MINDY2: variants seen among roughly 807,000 people sequenced by gnomAD.
MINDY2 encodes ubiquitin carboxyl-terminal hydrolase MINDY-2.
A neutral mutation model predicts 68.2 loss-of-function variants in MINDY2; 52 were observed. The ratio of observed to expected loss-of-function variants is 0.76; its 90% CI spans 0.61 to 0.96. The LOEUF (loss-of-function observed/expected upper bound fraction) is 0.96, where lower values mean the gene tolerates loss of function less well. Ranked by LOEUF, MINDY2 falls within the 40% of genes least tolerant of loss-of-function variation. MINDY2 has a pLI of 0.00. For missense variants in MINDY2, 881 were observed against 773.4 expected (o/e 1.14, Z -1.65); for synonymous variants, 372 against 303.0 (o/e 1.23, Z -2.36).
chr15:58,838,312 C>T (rs1408487652), intron 6 of MINDY2, among the ~76,000 whole-genome samples: 3 of 151,432 alleles, frequency 2.0e-5, no homozygotes, highest in Non-Finnish European at 2.9e-5. Context: ...ACAGGAGAAT[C>T]GCTTGAATCC....
intron 5 of MINDY2, 27 bp from the exon 6 acceptor site, chr15:58,831,747 A>ATAG (rs777282592): frequency 1.4e-4 from 215 of 1,581,646 alleles, no homozygotes; most frequent in Non-Finnish European, 1.8e-4. Context: ...TTATTCTTCT[A>ATAG]TCTAATGTTA....
chr15:58,819,495 G>GA (rs1220688344), intron 4 of MINDY2, among the ~76,000 whole-genome samples: 4 of 152,054 alleles, frequency 2.6e-5, no homozygotes, highest in Middle Eastern at 3.4e-3. Flanking sequence ...GACAGAGTAA[G>GA]AAAAAAATCT....
At chr15:58,853,375 T>A (rs566823101) in intron 8 of MINDY2, among the ~76,000 whole-genome samples, 28 of 152,240 alleles carry the variant, frequency 1.8e-4, no homozygotes, top group Non-Finnish European at 4.0e-4. Context: ...AGTATAAAAT[T>A]TCTATTTCTA....
intron 1 of MINDY2, among the ~76,000 whole-genome samples, chr15:58,782,283 G>A (rs1393654087): frequency 1.3e-5 from 2 of 151,910 alleles, no homozygotes; most frequent in African/African-American, 4.8e-5. Context: ...ATACACACAT[G>A]TGTATATACA....
rs530683688 is a variant in MINDY2, at chr15:58,808,055, ATCCT to A, written c.964-2165_964-2162del. On this transcript the variant is annotated intron_variant, in intron 3 of 8. Coordinates refer to ENST00000559228, the MANE Select transcript of MINDY2 (RefSeq NM_001040450.3). ...CTCTCTCCCTCACTCCCTTCCTTCC[ATCCT>A]TCCTTCCTTTTCAGTGCATTCACTG... Among the ~76,000 whole-genome samples, 29 of 147,032 alleles carry A rather than the reference ATCCT, an allele frequency of 2.0e-4. 1 individual carries two copies. Among genetic ancestry groups the A allele is most frequent in the Admixed American group, 1.9e-3 (28 of 14,602 alleles).
At chr15:58,851,051 G>A (rs1317602378) in intron 7 of MINDY2, among the ~76,000 whole-genome samples, 2 of 151,978 alleles carry the variant, frequency 1.3e-5, no homozygotes, top group African/African-American at 4.8e-5. Flanking sequence ...TCAGCTCACT[G>A]CAACCTCTGC....
intron 2 of MINDY2, among the ~76,000 whole-genome samples, chr15:58,789,921 GC>G (rs1247522377): frequency 6.6e-6 from 1 of 151,572 alleles, no homozygotes; most frequent in Non-Finnish European, 1.5e-5. Flanking sequence ...TGCTGGGATT[GC>G]AGGCGTGAGC....
chr15:58,841,443 T>C (rs1246623587), intron 6 of MINDY2, among the ~76,000 whole-genome samples: 1 of 140,702 alleles, frequency 7.1e-6, no homozygotes, highest in Non-Finnish European at 1.6e-5. Context: ...TTCACTCTTG[T>C]TGCCCTTCCT....
intron 5 of MINDY2, among the ~76,000 whole-genome samples, chr15:58,829,585 G>A (rs184896909): frequency 2.0e-5 from 3 of 152,278 alleles, no homozygotes; most frequent in Admixed American, 1.3e-4. Context: ...TTTTGAAAGG[G>A]ATCTGTGGAG....
chr15:58,840,542 C>T (rs1432490497), intron 6 of MINDY2, among the ~76,000 whole-genome samples: 1 of 151,854 alleles, frequency 6.6e-6, no homozygotes, highest in Non-Finnish European at 1.5e-5. Flanking sequence ...TATATCACTT[C>T]TTTCCTTGTA....
intron 1 of MINDY2, among the ~76,000 whole-genome samples, chr15:58,780,155 A>G (rs1400067681): frequency 6.6e-6 from 1 of 152,206 alleles, no homozygotes; most frequent in Non-Finnish European, 1.5e-5. Context: ...CTGTAATCCC[A>G]GCACTTTGTG....
At chr15:58,778,813 T>A (rs1900945765) in intron 1 of MINDY2, among the ~76,000 whole-genome samples, 1 of 94,884 alleles carries the variant, frequency 1.1e-5, no homozygotes, top group South Asian at 3.2e-4. Flanking sequence ...TTTTTTTCTT[T>A]TTTTTTTTTT....
intron 3 of MINDY2, among the ~76,000 whole-genome samples, chr15:58,807,513 T>C (rs1414742474): frequency 6.6e-6 from 1 of 151,904 alleles, no homozygotes; most frequent in Admixed American, 6.6e-5. Context: ...GCGCCCGCCA[T>C]CATGCCTGGC....
At chr15:58,782,717 A>G (rs1173079487) in intron 1 of MINDY2, among the ~76,000 whole-genome samples, 1 of 146,986 alleles carries the variant, frequency 6.8e-6, no homozygotes, top group Non-Finnish European at 1.5e-5. Flanking sequence ...GTAATTTGGT[A>G]ATTGGCTTTG....
intron 1 of MINDY2, among the ~76,000 whole-genome samples, chr15:58,785,571 G>A (rs560621252): frequency 2.0e-5 from 3 of 152,220 alleles, no homozygotes; most frequent in Non-Finnish European, 4.4e-5. Context: ...ACAGACAGTC[G>A]ACAGTAATTT....
chr15:58,795,402 A>G (rs78268932), intron 2 of MINDY2, among the ~76,000 whole-genome samples: 3 of 151,338 alleles, frequency 2.0e-5, no homozygotes, highest in African/African-American at 4.9e-5. Flanking sequence ...AGTATGTGTT[A>G]TTTTGTTTTG....
chr15:58,827,255 T>C (rs1302537174), intron 5 of MINDY2, among the ~76,000 whole-genome samples: 1 of 152,228 alleles, frequency 6.6e-6, no homozygotes, highest in African/African-American at 2.4e-5. Flanking sequence ...TTCTTTGAAC[T>C]GTGTGAATAT....
In MINDY2 at chr15:58,845,679, G is replaced by A. The variant is rs1310538102; in HGVS notation, c.1369-1618G>A. Among the ~76,000 whole-genome samples the A allele has an allele frequency of 2.6e-5, 4 of 152,180 alleles. No individual in the cohort carries two copies. In the East Asian group the frequency reaches 7.7e-4, roughly 29 times the overall value. ...TAAAAGTAGAGCTGTTATACAATCC[G>A]GCAATCCCACTCCTAAGAATATACT... On this transcript the variant is annotated intron_variant, in intron 6 of 8. Coordinates refer to ENST00000559228, the MANE Select transcript of MINDY2 (RefSeq NM_001040450.3).
At chr15:58,820,275 A>G (rs1176946165) in intron 4 of MINDY2, among the ~76,000 whole-genome samples, 20 of 151,588 alleles carry the variant, frequency 1.3e-4, no homozygotes, top group Admixed American at 1.2e-3. Context: ...AAAACAAACA[A>G]ACAAACAAAC....
Sources: gnomAD v4.1 joint callset for allele counts (sites outside exome capture counted in the v4.1 genomes callset) on GRCh38, gnomAD v4.1.1 for gene constraint, MANE v1.5 for transcripts, NCBI Gene and HGNC (gene_info 2026-07-23, HGNC 2026-07-21) for gene names.